Variants in GINS1 observed in about 807,000 individuals in gnomAD.
The protein encoded by GINS1 is GINS complex subunit 1, also known as DNA replication complex GINS protein PSF1.
GINS1 carries 26 observed loss-of-function variants against 34.9 expected under a neutral mutation model. That is an observed-to-expected ratio of 0.74 (90% CI 0.55 to 1.03). The LOEUF is 1.03. Ranked by LOEUF, GINS1 falls within the 50% of genes least tolerant of loss-of-function variation. The pLI is 0.00. For missense variants in GINS1, 235 were observed against 237.9 expected, an observed-to-expected ratio of 0.99 and a Z score of 0.08; for synonymous variants, 97 against 84.4, an observed-to-expected ratio of 1.15 and a Z score of -0.82.
At chr20:25,413,881 AAC>A (rs773536619) in intron 2 of GINS1, 27 bp downstream of exon 2, 1 of 1,308,010 alleles carries the variant, frequency 7.6e-7, no homozygotes, top group Non-Finnish European at 1.1e-6. Flanking sequence ...GATATTCTAA[AAC>A]AATTCAATAA....
At chr20:25,429,418 T>C (rs2090414771) in intron 5 of GINS1, among the ~76,000 whole-genome samples, 1 of 152,224 alleles carries the variant, frequency 6.6e-6, no homozygotes, top group South Asian at 2.1e-4. Flanking sequence ...TAGGGTGCAT[T>C]GACATCTTAA....
intron 4 of GINS1, among the ~76,000 whole-genome samples, chr20:25,418,576 T>A (rs1341840543): frequency 6.6e-6 from 1 of 152,206 alleles, no homozygotes; most frequent in Non-Finnish European, 1.5e-5. Flanking sequence ...TTTAAGGACA[T>A]AGGATTGGAG....
At chr20:25,430,607 C>T (rs180973661) in intron 5 of GINS1, among the ~76,000 whole-genome samples, 236 of 152,142 alleles carry the variant, frequency 1.6e-3, no homozygotes, top group Admixed American at 2.6e-3. Context: ...CTTGACTCAC[C>T]GCAACCTCTG....
At chr20:25,438,356 C>T (rs925280783) in intron 5 of GINS1, among the ~76,000 whole-genome samples, 6 of 151,854 alleles carry the variant, frequency 4.0e-5, no homozygotes, top group East Asian at 1.9e-4. Context: ...AAGGACTAAG[C>T]GGGGACTACT....
chr20:25,417,672 A>T (rs1442509217), intron 3 of GINS1, among the ~76,000 whole-genome samples: 1 of 152,164 alleles, frequency 6.6e-6, no homozygotes, highest in African/African-American at 2.4e-5. Flanking sequence ...CCTGGCCAAC[A>T]TGGTGAAACC....
In GINS1 at chr20:25,446,782, T is replaced by G. The variant is rs2090514720; in HGVS notation, c.*791T>G. The G allele has an allele frequency of 6.6e-6, 1 of 152,242 alleles. No homozygotes were observed. The highest frequency in any genetic ancestry group is 1.5e-5 in the Non-Finnish European group (1 of 68,048). The allele number at this position is 152,242 out of a possible 1,614,324, so 9.4% of individuals were successfully genotyped here. On this transcript the variant is annotated 3_prime_UTR_variant, in exon 7 of 7. Coordinates refer to ENST00000262460, the MANE Select transcript of GINS1 (RefSeq NM_021067.5). ...AGAAGGAACTTTGTACAGTTTTCCC[T>G]GAGATTCAGATTGACTGAAAAGTCA...
chr20:25,442,758 C>T (rs898213369), intron 6 of GINS1, among the ~76,000 whole-genome samples: 1 of 151,958 alleles, frequency 6.6e-6, no homozygotes, highest in African/African-American at 2.4e-5. Flanking sequence ...AGGCACACGC[C>T]ACTACACCCA....
At chr20:25,435,776 A>C (rs1252482815) in intron 5 of GINS1, among the ~76,000 whole-genome samples, 18 of 123,240 alleles carry the variant, frequency 1.5e-4, no homozygotes, top group Non-Finnish European at 2.7e-4. Flanking sequence ...AAAAAAAAAA[A>C]AAAAAAAAAA....
chr20:25,430,094 T>C (rs138496719), intron 5 of GINS1, among the ~76,000 whole-genome samples: 2 of 152,104 alleles, frequency 1.3e-5, no homozygotes, highest in African/African-American at 2.4e-5. Flanking sequence ...TGTATTTTTA[T>C]TAGAGACAGG....
rs565103350 is a variant in GINS1, at chr20:25,427,322, C to T, written c.447+1995C>T. On this transcript the variant is annotated intron_variant, in intron 5 of 6. Coordinates refer to ENST00000262460, the MANE Select transcript of GINS1 (RefSeq NM_021067.5). The stretch of plus-strand genomic sequence containing the variant: ...AAGTGATTCTCCTGCCTCAGCCTCC[C>T]AAGTAGCTGGGATTACAGGTGCCCA... Among the ~76,000 whole-genome samples, 13 of 152,128 alleles carry T rather than the reference C, an allele frequency of 8.5e-5. No individual in the cohort carries two copies. In the South Asian group the frequency reaches 2.5e-3, roughly 29 times the overall value.
intron 5 of GINS1, among the ~76,000 whole-genome samples, chr20:25,428,969 CTTTT>C (rs77113924): frequency 8.6e-5 from 11 of 127,436 alleles, no homozygotes; most frequent in African/African-American, 3.2e-4. Context: ...ATTCCTCTCT[CTTTT>C]TTTTTTTTTT....
intron 5 of GINS1, among the ~76,000 whole-genome samples, chr20:25,428,615 A>C (rs2090406922): frequency 6.6e-6 from 1 of 151,424 alleles, no homozygotes; most frequent in African/African-American, 2.4e-5. Context: ...CGTGTTAGCC[A>C]GGATGGTCTG....
In GINS1 at chr20:25,446,282, A is replaced by C. The variant is rs1268761477; in HGVS notation, c.*291A>C. ...ACTCCTGGCCTCAAGCAGTCCTCCC[A>C]CCTTAGCTTCTCAAAGTGTTGAGAT... On this transcript the variant is annotated 3_prime_UTR_variant, in exon 7 of 7. Transcript: ENST00000262460. 7.2e-6 allele frequency: 2 copies of C among 277,840 alleles called. No individual in the cohort carries two copies. Among genetic ancestry groups the C allele is most frequent in the Non-Finnish European group, 1.3e-5 (2 of 148,966 alleles). The allele number at this position is 277,840 out of a possible 1,614,324, so 17.2% of individuals were successfully genotyped here. A position where few individuals can be genotyped will look rare whatever the true frequency, so the allele number is the denominator to read the frequency against.
At chr20:25,438,137 A>AG (rs2090463907) in intron 5 of GINS1, among the ~76,000 whole-genome samples, 1 of 150,856 alleles carries the variant, frequency 6.6e-6, no homozygotes, top group African/African-American at 2.4e-5. Context: ...AAAAAAAAAA[A>AG]GTATTGATTA....
chr20:25,434,306 A>G lies in GINS1; in HGVS notation c.448-7396A>G, dbSNP rs538527806. On this transcript the variant is annotated intron_variant, in intron 5 of 6. Transcript: ENST00000262460. ...CCTCCCCGCTGCCCAGAAAAAAAAA[A>G]CCCAACAAAAAATAGAGTTATAAAA... Among the ~76,000 whole-genome samples, 2 of 151,974 alleles carry G rather than the reference A, an allele frequency of 1.3e-5. 1 individual carries two copies. The highest frequency in any genetic ancestry group is 4.1e-4 in the South Asian group (2 of 4,824).
intron 1 of GINS1, among the ~76,000 whole-genome samples, chr20:25,410,470 TAGTC>T (rs1054063274): frequency 2.8e-4 from 42 of 152,298 alleles, no homozygotes; most frequent in African/African-American, 7.2e-4. Flanking sequence ...CTGGAACACT[TAGTC>T]AGCCTGCAGA....
chr20:25,439,496 C>A (rs1260382843), intron 5 of GINS1, among the ~76,000 whole-genome samples: 2 of 151,670 alleles, frequency 1.3e-5, no homozygotes, highest in Non-Finnish European at 2.9e-5. Context: ...AACTACTCAC[C>A]CAATTTTTTC....
intron 1 of GINS1, 179 bp from the exon 2 acceptor site, chr20:25,413,611 A>G: frequency 1.7e-6 from 1 of 583,740 alleles, no homozygotes; most frequent in Non-Finnish European, 3.1e-6. Context: ...GCAATGTACG[A>G]GGGTTCCAGT....
chr20:25,413,882 A>T, intron 2 of GINS1, 28 bp downstream of exon 2: 3 of 1,287,060 alleles, frequency 2.3e-6, no homozygotes, highest in Non-Finnish European at 3.4e-6. Context: ...ATATTCTAAA[A>T]CAATTCAATA....
Sources: gnomAD v4.1 joint callset for allele counts (sites outside exome capture counted in the v4.1 genomes callset) on GRCh38, gnomAD v4.1.1 for gene constraint, MANE v1.5 for transcripts, NCBI Gene and HGNC (gene_info 2026-07-23, HGNC 2026-07-21) for gene names.